Variants in HIP1 observed in about 807,000 individuals in gnomAD.
HIP1 encodes huntingtin-interacting protein 1.
In HIP1, 65 loss-of-function variants were observed where a neutral mutation model predicts 147.6. That is an observed-to-expected ratio of 0.44 (90% CI 0.36 to 0.54). HIP1 has a LOEUF of 0.54. Among genes scored for constraint, HIP1 ranks in the 20% least tolerant of loss-of-function variants. The pLI is 0.00. For missense variants in HIP1, 1,061 were observed against 1,299.6 expected (o/e 0.82, Z 2.82); for synonymous variants, 479 against 504.0 (o/e 0.95, Z 0.67).
rs1363116983 is a variant in HIP1, at chr7:75,568,973, C to A, written c.746-717G>T. Among the ~76,000 whole-genome samples the A allele has an allele frequency of 1.3e-5, 2 of 152,192 alleles. No individual in the cohort carries two copies. Among genetic ancestry groups the A allele is most frequent in the Non-Finnish European group, 2.9e-5 (2 of 68,022 alleles). ...GCAGTGAGCTGAGATTGCACCACTG[C>A]ACTCCAGCCTGGGCGACAGTGAGAC... is the stretch of plus-strand genomic sequence containing the variant. On this transcript the variant is annotated intron_variant, in intron 8 of 30. Transcript: ENST00000336926. The surrounding 1 kb of genome is among the most constrained non-coding windows in gnomAD (Gnocchi z 4.1).
chr7:75,690,258 A>C, intron 1 of HIP1, among the ~76,000 whole-genome samples: 1 of 138,180 alleles, frequency 7.2e-6, no homozygotes, highest in South Asian at 2.3e-4. Context: ...CAGGTGACAG[A>C]GTGAGACTTT....
intron 1 of HIP1, among the ~76,000 whole-genome samples, chr7:75,659,660 A>G (rs868981597): frequency 6.6e-6 from 1 of 152,260 alleles, no homozygotes; most frequent in East Asian, 1.9e-4. Flanking sequence ...AAGAGAAAAA[A>G]AAAGACAGAA....
chr7:75,565,476 G>A (rs1375772153), intron 9 of HIP1, among the ~76,000 whole-genome samples: 1 of 152,180 alleles, frequency 6.6e-6, no homozygotes, highest in Non-Finnish European at 1.5e-5. Flanking sequence ...TATGTACTCG[G>A]CTTCTCAAAT....
intron 1 of HIP1, among the ~76,000 whole-genome samples, chr7:75,735,980 C>T (rs1554523588): frequency 1.3e-5 from 2 of 151,958 alleles, no homozygotes; most frequent in Non-Finnish European, 2.9e-5. Flanking sequence ...CACCTGAAAT[C>T]CCAGCACTTT....
intron 22 of HIP1, among the ~76,000 whole-genome samples, chr7:75,551,525 T>C (rs1554492140): frequency 6.6e-6 from 1 of 150,890 alleles, no homozygotes; most frequent in African/African-American, 2.4e-5. Context: ...CTGATCTTTT[T>C]ATTTTTTCTT....
At chr7:75,541,347 G>A (rs1027152830) in intron 29 of HIP1, among the ~76,000 whole-genome samples, 15 of 152,042 alleles carry the variant, frequency 9.9e-5, no homozygotes, top group East Asian at 1.9e-4. Flanking sequence ...TGGCTAACAC[G>A]GTGAAACCCT....
chr7:75,672,455 C>G (rs188280408), intron 1 of HIP1, among the ~76,000 whole-genome samples: 1 of 152,038 alleles, frequency 6.6e-6, no homozygotes, highest in African/African-American at 2.4e-5. Flanking sequence ...GCTTCCTAAG[C>G]AGCTGGGACT....
chr7:75,548,617 T>G (rs587723581), intron 23 of HIP1, among the ~76,000 whole-genome samples: 43 of 151,870 alleles, frequency 2.8e-4, no homozygotes, highest in Middle Eastern at 6.8e-3. Context: ...GCTGGGACTA[T>G]AAGCATGCAC....
At chr7:75,541,586 C>A (rs1216683468) in intron 29 of HIP1, among the ~76,000 whole-genome samples, 8 of 151,390 alleles carry the variant, frequency 5.3e-5, no homozygotes, top group Non-Finnish European at 8.8e-5. Flanking sequence ...ATCCCAGCTA[C>A]TTGGGAGGTT....
chr7:75,544,172 CAAAAAAA>C (rs369891293), intron 27 of HIP1, among the ~76,000 whole-genome samples: 2 of 96,634 alleles, frequency 2.1e-5, no homozygotes. Flanking sequence ...GCTCTGTCTC[CAAAAAAA>C]AAAAAAAAAA....
intron 1 of HIP1, among the ~76,000 whole-genome samples, chr7:75,628,639 C>A (rs996578751): frequency 6.6e-6 from 1 of 152,116 alleles, no homozygotes; most frequent in East Asian, 1.9e-4. Context: ...CTGCCGCACC[C>A]GGCTAATTTT....
chr7:75,641,432 TTTTA>T (rs782341283), intron 1 of HIP1, among the ~76,000 whole-genome samples: 3 of 149,406 alleles, frequency 2.0e-5, no homozygotes, highest in Admixed American at 2.0e-4. Context: ...CTTCCCTCTA[TTTTA>T]TTTGTTTTTT....
chr7:75,573,636 TTTTG>T (rs1795729837), intron 8 of HIP1, 121 bp downstream of exon 8: 2 of 998,972 alleles, frequency 2.0e-6, no homozygotes, highest in African/African-American at 1.6e-5. Context: ...CTCCGGGGCC[TTTTG>T]GAACAGAAGC....
chr7:75,695,214 G>C (rs1554518635), intron 1 of HIP1, among the ~76,000 whole-genome samples: 1 of 152,168 alleles, frequency 6.6e-6, no homozygotes, highest in African/African-American at 2.4e-5. Flanking sequence ...TTTTTAGGGA[G>C]AGTGGGCAGG....
intron 1 of HIP1, among the ~76,000 whole-genome samples, chr7:75,659,518 G>A (rs575719209): frequency 7.2e-5 from 11 of 152,122 alleles, no homozygotes; most frequent in East Asian, 5.8e-4. Context: ...GTATGGTGGC[G>A]CACGCCTGTA....
Position 75,535,083 on chromosome 7 carries a change from T to TA in HIP1, c.*3088dup. On this transcript the variant is annotated 3_prime_UTR_variant, in exon 31 of 31. Coordinates refer to ENST00000336926, the MANE Select transcript of HIP1 (RefSeq NM_005338.7). ...GGGTAGCCATTCTAATCTGAGCTAT[T>TA]ACGAAAGTAATTATGTGACATCTGA... 4.7e-6 allele frequency: 1 copy of TA among 214,058 alleles called. No individual in the cohort carries two copies. The highest frequency in any genetic ancestry group is 1.9e-4 in the South Asian group (1 of 5,360). The allele number at this position is 214,058 out of a possible 1,614,324, so 13.3% of individuals were successfully genotyped here.
chr7:75,701,883 C>A (rs1800842383), intron 1 of HIP1, among the ~76,000 whole-genome samples: 1 of 151,950 alleles, frequency 6.6e-6, no homozygotes. Context: ...ACAGAAAATC[C>A]TAAACTCTGC....
chr7:75,685,277 T>C (rs2117281892), intron 1 of HIP1, among the ~76,000 whole-genome samples: 1 of 152,180 alleles, frequency 6.6e-6, no homozygotes, highest in South Asian at 2.1e-4. Context: ...GCCAAACTTC[T>C]ATTTCCAAAT....
chr7:75,682,085 A>G lies in HIP1; in HGVS notation c.120+56716T>C, dbSNP rs1027692352. On this transcript the variant is annotated intron_variant, in intron 1 of 30. Transcript: ENST00000336926. The stretch of plus-strand genomic sequence containing the variant: ...GCTCTGTCACCCAGGCTGGAGTGCA[A>G]TGGTACCTGGGATTACGGGCACACC... Among the ~76,000 whole-genome samples the G allele has an allele frequency of 7.6e-5, 10 of 131,874 alleles. No homozygotes were observed. The East Asian group carries it at 8.8e-4, about 12-fold the overall frequency. The allele number at this position is 131,874 out of a possible 152,430, so 86.5% of individuals were successfully genotyped here.
Sources: allele counts gnomAD v4.1 joint callset (sites outside exome capture counted in the v4.1 genomes callset), GRCh38; gene constraint gnomAD v4.1.1; non-coding constraint Gnocchi (gnomAD v3.1); transcripts MANE v1.5; gene names NCBI Gene and HGNC (gene_info 2026-07-23, HGNC 2026-07-21).